TSHZ2: variants seen among roughly 807,000 people sequenced by gnomAD.
The protein encoded by TSHZ2 is teashirt homolog 2.
A neutral mutation model predicts 74.4 loss-of-function variants in TSHZ2; 21 were observed. The observed-to-expected ratio is 0.28, with a 90% CI of 0.20 to 0.41. TSHZ2 has a LOEUF of 0.41. Ranked by LOEUF, TSHZ2 falls within the 10% of genes least tolerant of loss-of-function variation. The pLI is 1.00. For missense variants in TSHZ2, 1,244 were observed against 1,293.5 expected, an observed-to-expected ratio of 0.96 and a Z score of 0.59; for synonymous variants, 540 against 515.3, an observed-to-expected ratio of 1.05 and a Z score of -0.65.
chr20:53,036,446 A>G (rs1476071998), intron 1 of TSHZ2, among the ~76,000 whole-genome samples: 1 of 151,804 alleles, frequency 6.6e-6, no homozygotes, highest in Non-Finnish European at 1.5e-5. Flanking sequence ...ACATACACAC[A>G]TATATACACA....
At position 53,142,335 on chromosome 20, in the gene TSHZ2, G is replaced by A. The variant is rs79390602; in HGVS notation, c.41-111164G>A. ...CTCCACAGGGCTTCCGGTTCAGACC[G>A]GAAGAACAGGAGAACAGAAGGCCAC... is the stretch of plus-strand genomic sequence containing the variant. On this transcript the variant is annotated intron_variant, in intron 1 of 2. Coordinates refer to ENST00000371497, the MANE Select transcript of TSHZ2 (RefSeq NM_173485.6). 3.5e-3 allele frequency among the ~76,000 whole-genome samples: 531 copies of A among 152,288 alleles called. 5 individuals are homozygous for A. The highest frequency in any genetic ancestry group is 0.023 in the East Asian group (120 of 5,188).
rs1305864427 is a variant in TSHZ2 at position 53,001,220 on chromosome 20, G to GTGTGTGTATGTGTGTGTGTGTGTGTGTA, written c.40+27894_40+27895insATGTGTGTGTGTGTGTGTGTATGTGTGT. ...CGTTCATGTGCGTGTGTGTGTGTGT[G>GTGTGTGTATGTGTGTGTGTGTGTGTGTA]TGTGTGTGTGTGTGTGTGTGTGTGT... On this transcript the variant is annotated intron_variant, in intron 1 of 2. Coordinates refer to ENST00000371497, the MANE Select transcript of TSHZ2 (RefSeq NM_173485.6). Among the ~76,000 whole-genome samples, 1,428 of 146,332 alleles carry GTGTGTGTATGTGTGTGTGTGTGTGTGTA rather than the reference G, an allele frequency of 9.8e-3. 36 individuals carry two copies. Among genetic ancestry groups the GTGTGTGTATGTGTGTGTGTGTGTGTGTA allele is most frequent in the African/African-American group, 0.035 (1,355 of 38,824 alleles).
At chr20:53,279,146 G>A (rs148846386) in intron 2 of TSHZ2, among the ~76,000 whole-genome samples, 351 of 152,292 alleles carry the variant, frequency 2.3e-3, no homozygotes, top group African/African-American at 7.1e-3. Context: ...CATTGAGTAG[G>A]CTGAGAAGAA....
chr20:53,049,518 T>C (rs2123122330), intron 1 of TSHZ2, among the ~76,000 whole-genome samples: 1 of 152,320 alleles, frequency 6.6e-6, no homozygotes, highest in South Asian at 2.1e-4. Flanking sequence ...TTAGTTTATC[T>C]TTAATTTGAT....
At chr20:53,333,665 C>G (rs915176327) in intron 2 of TSHZ2, among the ~76,000 whole-genome samples, 2 of 152,154 alleles carry the variant, frequency 1.3e-5, no homozygotes, top group African/African-American at 4.8e-5. Context: ...ACCATGTTAG[C>G]CAGGATGGTC....
intron 1 of TSHZ2, among the ~76,000 whole-genome samples, chr20:53,134,967 GAAAC>G (rs1987203427): frequency 7.9e-6 from 1 of 127,182 alleles, no homozygotes; most frequent in South Asian, 2.6e-4. Flanking sequence ...CCCTGACAAA[GAAAC>G]ACACACACAC....
At position 53,444,019 on chromosome 20, in the gene TSHZ2, G is replaced by C. The variant is rs145486085; in HGVS notation, c.*9-43125G>C. ...CGTCCCTGGGAATCGTCTCTCTAGAGTTTAAGTACGGTGGCCAGCCATCAT... is the reference window on the plus strand; with the variant it reads ...CGTCCCTGGGAATCGTCTCTCTAGACTTTAAGTACGGTGGCCAGCCATCAT... On this transcript the variant is annotated intron_variant, in intron 2 of 2. Transcript: ENST00000371497. 6.8e-3 allele frequency among the ~76,000 whole-genome samples: 1,038 copies of C among 152,274 alleles called. 6 individuals are homozygous for C. The highest frequency in any genetic ancestry group is 0.024 in the Middle Eastern group (7 of 294).
intron 1 of TSHZ2, among the ~76,000 whole-genome samples, chr20:53,130,494 C>T (rs746342564): frequency 2.3e-4 from 35 of 152,158 alleles, no homozygotes; most frequent in Non-Finnish European, 4.0e-4. Flanking sequence ...GGTGTGGTGG[C>T]GTGAGCCTGC....
chr20:53,193,704 T>A (rs931860039), intron 1 of TSHZ2, among the ~76,000 whole-genome samples: 1 of 152,202 alleles, frequency 6.6e-6, no homozygotes, highest in African/African-American at 2.4e-5. Flanking sequence ...TGGCAGGGGC[T>A]CAGTGTATAT....
At chr20:53,184,744 T>C (rs545932992) in intron 1 of TSHZ2, among the ~76,000 whole-genome samples, 11 of 152,242 alleles carry the variant, frequency 7.2e-5, no homozygotes, top group Non-Finnish European at 1.3e-4. Flanking sequence ...AATCTCACTC[T>C]GTTGCCCAGG....
At chr20:53,123,782 G>T (rs931414282) in intron 1 of TSHZ2, among the ~76,000 whole-genome samples, 1 of 152,154 alleles carries the variant, frequency 6.6e-6, no homozygotes, top group African/African-American at 2.4e-5. Context: ...CTGGAAGAAT[G>T]AAACAATTTG....
At chr20:53,394,859 CA>C (rs1005992034) in intron 2 of TSHZ2, among the ~76,000 whole-genome samples, 1,898 of 44,114 alleles carry the variant, frequency 0.043, 4 homozygotes, top group African/African-American at 0.051. Context: ...CAGAACTCAC[CA>C]AAAAAAAAAA....
intron 1 of TSHZ2, chr20:53,179,326 A>G (rs1343519310): frequency 1.3e-5 from 2 of 152,234 alleles, no homozygotes; most frequent in Non-Finnish European, 2.9e-5. Context: ...AAACCTCTGT[A>G]TGGGAAATGT....
intron 2 of TSHZ2, among the ~76,000 whole-genome samples, chr20:53,258,918 T>C (rs1311951327): frequency 6.6e-6 from 1 of 152,198 alleles, no homozygotes; most frequent in Non-Finnish European, 1.5e-5. Context: ...GTATGTTTTG[T>C]AAACAGAAAA....
At chr20:53,123,363 C>A (rs990241131) in intron 1 of TSHZ2, among the ~76,000 whole-genome samples, 1 of 152,124 alleles carries the variant, frequency 6.6e-6, no homozygotes, top group African/African-American at 2.4e-5. Flanking sequence ...AACGTATGAT[C>A]AGCTTCCATG....
intron 1 of TSHZ2, among the ~76,000 whole-genome samples, chr20:53,168,128 C>T (rs770062730): frequency 1.3e-5 from 2 of 152,156 alleles, no homozygotes; most frequent in Non-Finnish European, 2.9e-5. Context: ...CCTCAGTCCC[C>T]GAGATCAAGT....
chr20:53,035,860 A>T (rs1983799898), intron 1 of TSHZ2, among the ~76,000 whole-genome samples: 1 of 152,270 alleles, frequency 6.6e-6, no homozygotes, highest in African/African-American at 2.4e-5. Flanking sequence ...AGAAGTGCAC[A>T]TCAAACCATT....
At chr20:53,392,616 T>C (rs1011719768) in intron 2 of TSHZ2, among the ~76,000 whole-genome samples, 9 of 152,156 alleles carry the variant, frequency 5.9e-5, no homozygotes, top group Admixed American at 2.0e-4. Context: ...TACCAAATTG[T>C]TAAGGATGGT....
intron 1 of TSHZ2, among the ~76,000 whole-genome samples, chr20:53,115,260 C>T (rs1986639024): frequency 6.6e-6 from 1 of 152,174 alleles, no homozygotes; most frequent in Non-Finnish European, 1.5e-5. Context: ...GCTGTGTCCC[C>T]ATCCAAATCT....
Sources: allele counts gnomAD v4.1 joint callset (sites outside exome capture counted in the v4.1 genomes callset), GRCh38; gene constraint gnomAD v4.1.1; transcripts MANE v1.5; gene names NCBI Gene and HGNC (gene_info 2026-07-23, HGNC 2026-07-21).